Variants in SWT1 observed in about 807,000 individuals in gnomAD.
SWT1 encodes the protein SWT1 RNA endoribonuclease homolog, also known as transcriptional protein SWT1.
SWT1 carries 33 observed loss-of-function variants against 107.3 expected under a neutral mutation model. The observed-to-expected ratio is 0.31, with a 90% CI of 0.23 to 0.41. SWT1 has a LOEUF of 0.41. SWT1 is among the 10% of genes least tolerant of loss of function. SWT1 has a pLI of 1.00. For synonymous variants in SWT1, 345 were observed against 348.3 expected, an observed-to-expected ratio of 0.99 and a Z score of 0.11; for missense variants, 898 against 1,028.9, an observed-to-expected ratio of 0.87 and a Z score of 1.74.
At chr1:185,177,558 ATTATC>A (rs778678331) in intron 5 of SWT1, among the ~76,000 whole-genome samples, 110 of 152,198 alleles carry the variant, frequency 7.2e-4, no homozygotes, top group Non-Finnish European at 1.3e-3. Flanking sequence ...TCTTGTGTAT[ATTATC>A]TTCAGCATAT....
intron 16 of SWT1, among the ~76,000 whole-genome samples, chr1:185,235,514 C>A (rs1313186489): frequency 6.6e-6 from 1 of 152,118 alleles, no homozygotes; most frequent in Non-Finnish European, 1.5e-5. Flanking sequence ...ATTCAGCAGC[C>A]CTTCATGCTA....
At chr1:185,265,119 CAA>C (rs1342738752) in intron 16 of SWT1, among the ~76,000 whole-genome samples, 1 of 151,992 alleles carries the variant, frequency 6.6e-6, no homozygotes, top group Non-Finnish European at 1.5e-5. Flanking sequence ...AAACTTTTAT[CAA>C]AAGTTTTTAT....
chr1:185,266,051 T>A (rs1330936374), intron 16 of SWT1, among the ~76,000 whole-genome samples: 1 of 152,140 alleles, frequency 6.6e-6, no homozygotes, highest in Non-Finnish European at 1.5e-5. Flanking sequence ...TGTTTTGAAT[T>A]TCTAGAATTT....
intron 15 of SWT1, among the ~76,000 whole-genome samples, chr1:185,223,873 C>T (rs566866080): frequency 6.6e-6 from 1 of 152,264 alleles, no homozygotes; most frequent in South Asian, 2.1e-4. Flanking sequence ...TCATTTAGCT[C>T]CCACTTATAA....
At chr1:185,215,818 G>T (rs1659175441) in intron 14 of SWT1, among the ~76,000 whole-genome samples, 1 of 152,106 alleles carries the variant, frequency 6.6e-6, no homozygotes, top group Admixed American at 6.6e-5. Context: ...GGGAATACAG[G>T]TGTGAGGTAC....
At chr1:185,287,516 G>A (rs1303908492) in intron 18 of SWT1, among the ~76,000 whole-genome samples, 2 of 152,120 alleles carry the variant, frequency 1.3e-5, no homozygotes, top group Non-Finnish European at 1.5e-5. Context: ...GCAGACTCAG[G>A]TCAGATAGAT....
At chr1:185,251,897 A>G (rs994914501) in intron 16 of SWT1, among the ~76,000 whole-genome samples, 1 of 151,660 alleles carries the variant, frequency 6.6e-6, no homozygotes, top group Admixed American at 6.6e-5. Context: ...GCACCCACTA[A>G]CTCGTCATCT....
chr1:185,216,050 A>C (rs1235491705), intron 14 of SWT1, among the ~76,000 whole-genome samples: 1 of 152,214 alleles, frequency 6.6e-6, no homozygotes, highest in Non-Finnish European at 1.5e-5. Flanking sequence ...GAAGTAATCA[A>C]AGGATTAGAT....
At chr1:185,206,043 C>T (rs1013849895) in intron 12 of SWT1, among the ~76,000 whole-genome samples, 3 of 151,988 alleles carry the variant, frequency 2.0e-5, no homozygotes, top group Non-Finnish European at 2.9e-5. Context: ...ACTGCAACCT[C>T]CTCCTTCCGG....
In SWT1 at chr1:185,291,732, G is replaced by A. The variant is rs762937828; in HGVS notation, c.*929G>A. ...CAAATTGTTTCTGATATGTACATAA[G>A]GTATGATTATAAAAGTGACTGTCTG... On this transcript the variant is annotated 3_prime_UTR_variant, in exon 19 of 19. Transcript: ENST00000367500. The A allele has an allele frequency of 6.6e-6, 1 of 152,478 alleles. No individual in the cohort carries two copies. The highest frequency in any genetic ancestry group is 1.5e-5 in the Non-Finnish European group (1 of 67,994). 9.4% of individuals were successfully genotyped at this position (152,478 alleles called of 1,614,324 possible).
At chr1:185,264,869 G>A (rs1292333598) in intron 16 of SWT1, among the ~76,000 whole-genome samples, 1 of 152,102 alleles carries the variant, frequency 6.6e-6, no homozygotes, top group Non-Finnish European at 1.5e-5. Flanking sequence ...ACAGAAAGCT[G>A]TAGTATTTAT....
intron 10 of SWT1, among the ~76,000 whole-genome samples, chr1:185,196,308 T>C (rs943397599): frequency 6.6e-6 from 1 of 152,114 alleles, no homozygotes; most frequent in Non-Finnish European, 1.5e-5. Context: ...GTTGTAGATG[T>C]TATTTCTGAG....
intron 16 of SWT1, among the ~76,000 whole-genome samples, chr1:185,238,013 G>T (rs1661014521): frequency 6.6e-6 from 1 of 150,756 alleles, no homozygotes; most frequent in Non-Finnish European, 1.5e-5. Context: ...TTTAAACAGA[G>T]TATTACTGTG....
At chr1:185,209,978 A>G (rs1445179096) in intron 13 of SWT1, among the ~76,000 whole-genome samples, 2 of 152,214 alleles carry the variant, frequency 1.3e-5, no homozygotes, top group Non-Finnish European at 2.9e-5. Context: ...ATGACCATTG[A>G]TGATGAGCTT....
Position 185,217,304 on chromosome 1 carries a change from A to G in SWT1, c.2121+2649A>G, listed in dbSNP as rs74568388. ...TTGGCATAGCAGGAGGTGAGCAGCG[A>G]GCAAGCAAGCAAAACTTAATCTGTA... On this transcript the variant is annotated intron_variant, in intron 14 of 18. Coordinates refer to ENST00000367500, the MANE Select transcript of SWT1 (RefSeq NM_017673.7). Among the ~76,000 whole-genome samples, 888 of 152,298 alleles carry G rather than the reference A, an allele frequency of 5.8e-3. 32 individuals carry two copies. The East Asian group carries it at 0.094, about 16-fold the overall frequency.
At position 185,204,811 on chromosome 1, in the gene SWT1, C is replaced by G. The variant is rs747630101; in HGVS notation, c.1781C>G (p.Ser594Cys). 2 of 1,590,288 alleles carry G rather than the reference C, an allele frequency of 1.3e-6. No homozygotes were observed. Among genetic ancestry groups the G allele is most frequent in the Non-Finnish European group, 1.7e-6 (2 of 1,170,036 alleles). The change falls in exon 12 of 19, where the codon TCT becomes TGT. Residue 594 changes from serine to cysteine, a missense_variant. By Grantham distance (112) the Ser-to-Cys change is moderately radical (BLOSUM62 -1). This residue lies in a region of SWT1 where 382 missense variants were observed against 460.0 expected (regional missense o/e 0.83). Transcript: ENST00000367500. ...GAAAAATCTCTTGGAACAGGTTTAT[C>G]TTCAATATTAGAAACAGAAATGAAA... ...DLEKSLGTGL[S>C]SILETEMKIA...
chr1:185,255,007 A>C (rs201701299), intron 16 of SWT1, among the ~76,000 whole-genome samples: 39 of 151,866 alleles, frequency 2.6e-4, no homozygotes, highest in Admixed American at 9.2e-4. Flanking sequence ...TTCAAAGAAC[A>C]TCTTTATTTC....
At chr1:185,290,651 T>G in intron 18 of SWT1, 23 bp from the exon 19 acceptor site, 3 of 1,547,072 alleles carry the variant, frequency 1.9e-6, no homozygotes, top group Non-Finnish European at 2.6e-6. Context: ...CTTGCAATGA[T>G]TTAATATTTC....
At chr1:185,213,056 C>G (rs1228303806) in intron 13 of SWT1, among the ~76,000 whole-genome samples, 3 of 152,086 alleles carry the variant, frequency 2.0e-5, no homozygotes, top group South Asian at 2.1e-4. Context: ...TAGACTATTT[C>G]ATTCATGTAG....
Sources: allele counts gnomAD v4.1 joint callset (sites outside exome capture counted in the v4.1 genomes callset), GRCh38; gene constraint gnomAD v4.1.1; regional missense constraint gnomAD v4.1.1; transcripts MANE v1.5; gene names NCBI Gene and HGNC (gene_info 2026-07-23, HGNC 2026-07-21).